ZNF165: variants seen among roughly 807,000 people sequenced by gnomAD.
ZNF165 encodes cancer/testis antigen 53.
A neutral mutation model predicts 19.6 loss-of-function variants in ZNF165; 14 were observed. The observed-to-expected ratio is 0.71, with a 90% CI of 0.47 to 1.12. The LOEUF (loss-of-function observed/expected upper bound fraction) is 1.12. ZNF165 is among the 50% of genes most tolerant of loss of function. The probability of loss-of-function intolerance (pLI) is 0.00; values close to 1 mark genes in which losing one functional copy is unlikely to be tolerated. For missense variants in ZNF165, 504 were observed against 566.3 expected (o/e 0.89, Z 1.12); for synonymous variants, 165 against 195.0 (o/e 0.85, Z 1.28).
rs1053326204 is a variant in ZNF165, at chr6:28,085,580, G to A, written c.100G>A (p.Asp34Asn). 9 of 1,614,250 alleles carry A rather than the reference G, an allele frequency of 5.6e-6. No homozygotes were observed. Among genetic ancestry groups the A allele is most frequent in the Non-Finnish European group, 6.8e-6 (8 of 1,180,044 alleles). ...AGAGGAAGAATTTATCCATGGGCAG[G>A]ACACTTGCTTACAGAGAAGTGAACT... is the stretch of plus-strand genomic sequence containing the variant. Reference protein sequence around the residue: ...IEEEEFIHGQDTCLQRSELLK... With the variant: ...IEEEEFIHGQNTCLQRSELLK... Residue 34 changes from aspartate (D) to asparagine (N), a missense_variant, in exon 2 of 4, where the codon GAC becomes AAC. By Grantham distance (23) the Asp-to-Asn change is conservative. Coordinates refer to ENST00000683778, the MANE Select transcript of ZNF165 (RefSeq NM_001376491.1).
chr6:28,083,973 T>C (rs1388168680), intron 1 of ZNF165, among the ~76,000 whole-genome samples: 1 of 152,256 alleles, frequency 6.6e-6, no homozygotes, highest in African/African-American at 2.4e-5. Context: ...TTTTATAATT[T>C]CTTCCCAACT....
intron 3 of ZNF165, among the ~76,000 whole-genome samples, chr6:28,087,964 A>G (rs1384640816): frequency 6.6e-6 from 1 of 152,210 alleles, no homozygotes; most frequent in Non-Finnish European, 1.5e-5. Flanking sequence ...CTAGATAGGA[A>G]ATGGTAAGGT....
At chr6:28,085,951 A>C in intron 2 of ZNF165, 60 bp downstream of exon 2, 1 of 1,578,732 alleles carries the variant, frequency 6.3e-7, no homozygotes, top group Non-Finnish European at 8.5e-7. Context: ...CGGTGGGAGG[A>C]GAGGCCCGAG....
In ZNF165 at chr6:28,085,540, G is replaced by T; in HGVS notation, c.60G>T (p.Leu20=). Residue 20 remains leucine (L), a synonymous_variant, in exon 2 of 4, where the codon CTG becomes CTT. Transcript: ENST00000683778. ...AQNSPEDEGL[L]IVKIEEEEFI... ...ACTCTCCAGAGGATGAAGGACTTCT[G>T]ATAGTGAAGATAGAAGAGGAAGAAT... 1 of 1,614,238 alleles carries T rather than the reference G, an allele frequency of 6.2e-7. No homozygotes were observed. The highest frequency in any genetic ancestry group is 8.5e-7 in the Non-Finnish European group (1 of 1,180,040).
chr6:28,085,145 T>G (rs1203916894), intron 1 of ZNF165, among the ~76,000 whole-genome samples: 1 of 152,228 alleles, frequency 6.6e-6, no homozygotes, highest in African/African-American at 2.4e-5. Flanking sequence ...TATCCTTATT[T>G]TCTCTGTGAC....
In ZNF165 at chr6:28,085,468, A is replaced by T; in HGVS notation, c.1-13A>T. The stretch of plus-strand genomic sequence containing the variant: ...CTTTCCAAAGCAGTTCTGATAATAT[A>T]TTCTATCCACAGATGGCTACAGAAC... On this transcript the variant is annotated splice_polypyrimidine_tract_variant and intron_variant, in intron 1 of 3. Coordinates refer to ENST00000683778, the MANE Select transcript of ZNF165 (RefSeq NM_001376491.1). 1.2e-6 allele frequency: 2 copies of T among 1,600,962 alleles called. No homozygotes were observed. Among genetic ancestry groups the T allele is most frequent in the Non-Finnish European group, 1.7e-6 (2 of 1,177,062 alleles).
At chr6:28,082,370 C>G (rs1307773724) in intron 1 of ZNF165, among the ~76,000 whole-genome samples, 1 of 152,140 alleles carries the variant, frequency 6.6e-6, no homozygotes, top group Non-Finnish European at 1.5e-5. Flanking sequence ...AAGACACACA[C>G]AGAAATATAG....
At position 28,083,173 on chromosome 6, in the gene ZNF165, C is replaced by T. The variant is rs1410058845; in HGVS notation, c.-1+2203C>T. 3.3e-5 allele frequency among the ~76,000 whole-genome samples: 5 copies of T among 152,204 alleles called. No individual in the cohort carries two copies. In the East Asian group the frequency reaches 9.6e-4, roughly 29 times the overall value. ...TTGATCTCACCATCAGTCTGCTGCT[C>T]ATTCCTACTTCCTCTACTCTGTTCC... On this transcript the variant is annotated intron_variant, in intron 1 of 3. Transcript: ENST00000683778.
Position 28,080,724 on chromosome 6 carries a change from T to TAAAG in ZNF165, c.-247_-246insAAAG, listed in dbSNP as rs1764131656. ...ATTTTCTTTTCAGGAGTCCCTTCTG[T>TAAAG]TATTTAGCAAGACACACTACTACAA... is the stretch of plus-strand genomic sequence containing the variant. On this transcript the variant is annotated 5_prime_UTR_variant, in exon 1 of 4. Transcript: ENST00000683778. 1 of 151,994 alleles carries TAAAG rather than the reference T, an allele frequency of 6.6e-6. No homozygotes were observed. The highest frequency in any genetic ancestry group is 2.4e-5 in the African/African-American group (1 of 41,322). 9.4% of individuals were successfully genotyped at this position (151,994 alleles called of 1,614,324 possible). A position where few individuals can be genotyped will look rare whatever the true frequency, so the allele number is the denominator to read the frequency against.
In ZNF165 at chr6:28,089,509, C is replaced by T. The variant is rs1437610970; in HGVS notation, c.*39C>T. The T allele has an allele frequency of 1.3e-6, 2 of 1,497,646 alleles. No homozygotes were observed. The highest frequency in any genetic ancestry group is 1.8e-4 in the Middle Eastern group (1 of 5,582). 92.8% of individuals were successfully genotyped at this position (1,497,646 alleles called of 1,614,324 possible). On this transcript the variant is annotated 3_prime_UTR_variant, in exon 4 of 4. Transcript: ENST00000683778. ...GTAAGTAAATGCTGAGGAAATGGCA[C>T]AATATGAAAAATATTAAATAAAAAA...
chr6:28,085,475 C>T lies in ZNF165; in HGVS notation c.1-6C>T. On this transcript the variant is annotated splice_region_variant and splice_polypyrimidine_tract_variant and intron_variant, in intron 1 of 3. Transcript: ENST00000683778. ...AAGCAGTTCTGATAATATATTCTAT[C>T]CACAGATGGCTACAGAACCAAAGAA... 1.9e-6 allele frequency: 3 copies of T among 1,606,184 alleles called. No homozygotes were observed. The South Asian group carries it at 3.3e-5, about 18-fold the overall frequency.
In ZNF165 at chr6:28,089,033, G is replaced by A; in HGVS notation, c.1021G>A (p.Asp341Asn). The change falls in exon 4 of 4, where the codon GAT becomes AAT. Residue 341 changes from aspartate (D) to asparagine (N), a missense_variant. Physicochemically the swap from Asp to Asn is conservative, Grantham distance 23 (BLOSUM62 1). Transcript: ENST00000683778. ...LAKHAAVFSG[D>N]KTHQCNECGK... ...TAAACATGCAGCAGTTTTCAGTGGA[G>A]ATAAAACTCATCAGTGTAATGAATG... 1 of 1,614,200 alleles carries A rather than the reference G, an allele frequency of 6.2e-7. No homozygotes were observed. The highest frequency in any genetic ancestry group is 8.5e-7 in the Non-Finnish European group (1 of 1,180,038).
upstream of ZNF165, among the ~76,000 whole-genome samples, chr6:28,080,365 G>A (rs1764124102): frequency 6.6e-6 from 1 of 151,898 alleles, no homozygotes; most frequent in Non-Finnish European, 1.5e-5. Context: ...GTGTGCTCGA[G>A]TGTGTATCTT....
At position 28,089,268 on chromosome 6, in the gene ZNF165, A is replaced by G; in HGVS notation, c.1256A>G (p.Gln419Arg). 1 of 1,614,198 alleles carries G rather than the reference A, an allele frequency of 6.2e-7. No individual in the cohort carries two copies. Among genetic ancestry groups the G allele is most frequent in the Non-Finnish European group, 8.5e-7 (1 of 1,180,030 alleles). Residue 419 changes from glutamine (Q) to arginine (R), a missense_variant, in exon 4 of 4, where the codon CAG (glutamine) becomes CGG (arginine). Coordinates refer to ENST00000683778, the MANE Select transcript of ZNF165 (RefSeq NM_001376491.1). Reference protein sequence around the residue: ...FNLNSHLIRHQRIHTREKPYE... With the variant: ...FNLNSHLIRHRRIHTREKPYE... Reference sequence around the variant, plus strand: ...CTGAACTCACATCTTATCAGGCATCAGAGAATTCACACCAGAGAGAAACCC... The same window carrying G: ...CTGAACTCACATCTTATCAGGCATCGGAGAATTCACACCAGAGAGAAACCC...
intron 1 of ZNF165, among the ~76,000 whole-genome samples, chr6:28,081,802 A>G (rs1388727434): frequency 1.3e-5 from 2 of 152,186 alleles, no homozygotes; most frequent in Non-Finnish European, 2.9e-5. Flanking sequence ...CTCCTAACAC[A>G]ATATTATAAG....
upstream of ZNF165, among the ~76,000 whole-genome samples, chr6:28,080,433 AGTGGCGCGG>A (rs1764125412): frequency 6.6e-6 from 1 of 151,852 alleles, no homozygotes; most frequent in African/African-American, 2.4e-5. Context: ...GCTGGAGTGC[AGTGGCGCGG>A]TCTCGGCTCA....
chr6:28,088,225 C>T (rs1178398767), intron 3 of ZNF165, among the ~76,000 whole-genome samples: 2 of 152,048 alleles, frequency 1.3e-5, no homozygotes, highest in East Asian at 3.9e-4. Flanking sequence ...TATCATAGAC[C>T]CAAGGTTCCC....
In ZNF165 at chr6:28,086,955, G is replaced by C. The variant is rs974670357; in HGVS notation, c.550+645G>C. Among the ~76,000 whole-genome samples the C allele has an allele frequency of 5.9e-5, 9 of 152,286 alleles. No homozygotes were observed. In the East Asian group the frequency reaches 1.7e-3, roughly 29 times the overall value. Reference sequence around the variant, plus strand: ...ATGTTCATAGAGAAGTACATATAATGATCAAGAGAAACAGATACATGATGA... The same window carrying C: ...ATGTTCATAGAGAAGTACATATAATCATCAAGAGAAACAGATACATGATGA... On this transcript the variant is annotated intron_variant, in intron 3 of 3. Transcript: ENST00000683778.
chr6:28,089,513 A>G lies in ZNF165; in HGVS notation c.*43A>G, dbSNP rs747591720. On this transcript the variant is annotated 3_prime_UTR_variant, in exon 4 of 4. Coordinates refer to ENST00000683778, the MANE Select transcript of ZNF165 (RefSeq NM_001376491.1). ...GTAAATGCTGAGGAAATGGCACAAT[A>G]TGAAAAATATTAAATAAAAAATAAA... The G allele has an allele frequency of 1.4e-5, 21 of 1,488,174 alleles. No individual in the cohort carries two copies. The highest frequency in any genetic ancestry group is 1.8e-4 in the Middle Eastern group (1 of 5,586). The allele number at this position is 1,488,174 out of a possible 1,614,324, so 92.2% of individuals were successfully genotyped here.
Sources: allele counts gnomAD v4.1 joint callset (sites outside exome capture counted in the v4.1 genomes callset), GRCh38; gene constraint gnomAD v4.1.1; transcripts MANE v1.5; gene names NCBI Gene and HGNC (gene_info 2026-07-23, HGNC 2026-07-21).